Variants in RORA observed in about 807,000 individuals in gnomAD.
RORA encodes the protein RAR related orphan receptor A, also known as nuclear receptor ROR-alpha.
A neutral mutation model predicts 69.5 loss-of-function variants in RORA; 7 were observed. The observed-to-expected ratio is 0.10, with a 90% CI of 0.06 to 0.19. The LOEUF (loss-of-function observed/expected upper bound fraction) is 0.19. Ranked by LOEUF, RORA falls within the 10% of genes least tolerant of loss-of-function variation. RORA has a pLI of 1.00. For missense variants in RORA, 457 were observed against 663.0 expected (o/e 0.69, Z 3.41); for synonymous variants, 261 against 240.8 (o/e 1.08, Z -0.78).
chr15:60,915,386 C>T (rs1891840544), intron 1 of RORA, among the ~76,000 whole-genome samples: 1 of 152,214 alleles, frequency 6.6e-6, no homozygotes, highest in African/African-American at 2.4e-5. Flanking sequence ...GCACTGATTC[C>T]ACTGGGGGGG....
Position 60,705,701 on chromosome 15 carries a change from A to T in RORA, c.167-27015T>A, listed in dbSNP as rs528438898. Among the ~76,000 whole-genome samples the T allele has an allele frequency of 1.5e-4, 23 of 152,202 alleles. 2 individuals are homozygous for T. The South Asian group carries it at 4.6e-3, about 30-fold the overall frequency. On this transcript the variant is annotated intron_variant, in intron 1 of 10. Transcript: ENST00000335670. ...TCCCATTCCCTTCACCAACCAACCAACTGACATTTTTTTATTATTAAAATT... is the reference window on the plus strand; with the variant it reads ...TCCCATTCCCTTCACCAACCAACCATCTGACATTTTTTTATTATTAAAATT...
intron 1 of RORA, among the ~76,000 whole-genome samples, chr15:60,832,431 G>T (rs2073054286): frequency 6.6e-6 from 1 of 152,124 alleles, no homozygotes. Context: ...TGGACTTGGT[G>T]GTGAGCCACC....
chr15:60,903,840 T>C (rs947760853), intron 1 of RORA, among the ~76,000 whole-genome samples: 3 of 152,242 alleles, frequency 2.0e-5, no homozygotes, highest in Non-Finnish European at 4.4e-5. Context: ...TCTTCTAACA[T>C]GTTAAAACTT....
Position 60,492,831 on chromosome 15 carries a change from A to G in RORA, c.*4624T>C, listed in dbSNP as rs1054140930. 3.9e-5 allele frequency: 6 copies of G among 152,188 alleles called. No individual in the cohort carries two copies. Among genetic ancestry groups the G allele is most frequent in the African/African-American group, 1.2e-4 (5 of 41,434 alleles). The allele number at this position is 152,188 out of a possible 1,614,324, so 9.4% of individuals were successfully genotyped here. A position where few individuals can be genotyped will look rare whatever the true frequency, so the allele number is the denominator to read the frequency against. On this transcript the variant is annotated 3_prime_UTR_variant, in exon 11 of 11. Coordinates refer to ENST00000335670, the MANE Select transcript of RORA (RefSeq NM_134261.3). The stretch of plus-strand genomic sequence containing the variant: ...ACGAGCACATCAAGTTCTAAACTCA[A>G]CAAAATGAGACGAGAGTAAAGAGTT...
chr15:61,146,630 G>A (rs2079352602), intron 1 of RORA, among the ~76,000 whole-genome samples: 1 of 152,114 alleles, frequency 6.6e-6, no homozygotes, highest in Admixed American at 6.5e-5. Context: ...ACATGTTAAT[G>A]ATTTCAGACA....
In RORA at chr15:60,502,834, C is replaced by T. The variant is rs201150566; in HGVS notation, c.1109G>A (p.Arg370His). 32 of 1,613,674 alleles carry T rather than the reference C, an allele frequency of 2.0e-5. No homozygotes were observed. The highest frequency in any genetic ancestry group is 2.5e-5 in the Non-Finnish European group (30 of 1,179,756). ...SLEVVFIRMC[R>H]AFDSQNNTVY... The stretch of plus-strand genomic sequence containing the variant: ...GGTGTTGTTCTGAGAGTCAAAGGCA[C>T]GGCACATTCTGATAAACACCACCTC... The change falls in exon 8 of 11, where the codon CGT becomes CAT. Residue 370 changes from arginine (R) to histidine (H), a missense_variant. Arg to His is a conservative substitution (Grantham distance 29). Transcript: ENST00000335670.
At chr15:60,783,417 T>A (rs1018193627) in intron 1 of RORA, among the ~76,000 whole-genome samples, 1 of 152,218 alleles carries the variant, frequency 6.6e-6, no homozygotes, top group Admixed American at 6.5e-5. Context: ...CACAATGTTT[T>A]GCAATATGTA....
At position 60,811,276 on chromosome 15, in the gene RORA, A is replaced by G. The variant is rs771844991; in HGVS notation, c.167-132590T>C. On this transcript the variant is annotated intron_variant, in intron 1 of 10. Coordinates refer to ENST00000335670, the MANE Select transcript of RORA (RefSeq NM_134261.3). ...TTTTTAGCCCATCGATTTCATTTTC[A>G]GAGATACCTGGTGCCATCAGTTCTT... Among the ~76,000 whole-genome samples the G allele has an allele frequency of 6.0e-4, 92 of 152,182 alleles. 2 individuals are homozygous for G. Among genetic ancestry groups the G allele is most frequent in the South Asian group, 2.1e-4 (1 of 4,834 alleles).
chr15:61,135,711 A>T (rs1357928972), intron 1 of RORA, among the ~76,000 whole-genome samples: 3 of 152,150 alleles, frequency 2.0e-5, no homozygotes, highest in African/African-American at 7.2e-5. Context: ...CAGGACTGCT[A>T]GAAGCAGGGG....
In RORA at chr15:60,708,094, G is replaced by C. The variant is rs17270299; in HGVS notation, c.167-29408C>G. Among the ~76,000 whole-genome samples, 954 of 152,304 alleles carry C rather than the reference G, an allele frequency of 6.3e-3. 4 individuals carry two copies. Among genetic ancestry groups the C allele is most frequent in the Admixed American group, 0.024 (367 of 15,300 alleles). Reference sequence around the variant, plus strand: ...CTTAGAGTTTAGGGTTTTCAGGATAGAGAGCTTATCTGTTAGGTCCTTTGA... The same window carrying C: ...CTTAGAGTTTAGGGTTTTCAGGATACAGAGCTTATCTGTTAGGTCCTTTGA... On this transcript the variant is annotated intron_variant, in intron 1 of 10. Transcript: ENST00000335670.
chr15:60,601,048 A>G (rs186277604), intron 2 of RORA: 1 of 152,344 alleles, frequency 6.6e-6, no homozygotes, highest in Admixed American at 6.5e-5. Flanking sequence ...ACCATAAGAA[A>G]AAAATCCAGG....
At chr15:60,774,141 C>A (rs937808141) in intron 1 of RORA, among the ~76,000 whole-genome samples, 1 of 152,210 alleles carries the variant, frequency 6.6e-6, no homozygotes, top group African/African-American at 2.4e-5. Context: ...CGGACACCCA[C>A]AGCCACGGCT....
chr15:60,898,507 A>G (rs1270210983), intron 1 of RORA, among the ~76,000 whole-genome samples: 1 of 132,628 alleles, frequency 7.5e-6, no homozygotes, highest in South Asian at 2.3e-4. Flanking sequence ...CTAAAAATAA[A>G]TAAATAAATA....
At chr15:60,527,306 T>C (rs2066391578) in intron 3 of RORA, among the ~76,000 whole-genome samples, 1 of 152,270 alleles carries the variant, frequency 6.6e-6, no homozygotes, top group Admixed American at 6.5e-5. Context: ...CTGTATCTCA[T>C]GATGAAATTA....
chr15:60,615,741 C>T (rs936208008), intron 2 of RORA, among the ~76,000 whole-genome samples: 18 of 152,312 alleles, frequency 1.2e-4, no homozygotes, highest in East Asian at 9.6e-4. Flanking sequence ...TAACAATCAA[C>T]GCATGGCAAC....
chr15:61,138,393 CG>C (rs1284994918), intron 1 of RORA, among the ~76,000 whole-genome samples: 1 of 152,108 alleles, frequency 6.6e-6, no homozygotes, highest in African/African-American at 2.4e-5. Flanking sequence ...CAAAAATATT[CG>C]GAGAGCAGAC....
intron 1 of RORA, among the ~76,000 whole-genome samples, chr15:61,123,538 C>T (rs2079120128): frequency 6.6e-6 from 1 of 152,160 alleles, no homozygotes; most frequent in South Asian, 2.1e-4. Flanking sequence ...AAACTATCTG[C>T]AAATTGGGAA....
intron 1 of RORA, among the ~76,000 whole-genome samples, chr15:60,938,967 C>A (rs761935702): frequency 6.6e-6 from 1 of 152,222 alleles, no homozygotes; most frequent in Non-Finnish European, 1.5e-5. Flanking sequence ...ATGCAACATG[C>A]TTCCAGAAAT....
At chr15:60,963,246 G>A (rs994326736) in intron 1 of RORA, among the ~76,000 whole-genome samples, 2 of 152,236 alleles carry the variant, frequency 1.3e-5, no homozygotes, top group Non-Finnish European at 1.5e-5. Flanking sequence ...TGATTCTAAA[G>A]TGTGTGCTCT....
Sources: gnomAD v4.1 joint callset for allele counts (sites outside exome capture counted in the v4.1 genomes callset) on GRCh38, gnomAD v4.1.1 for gene constraint, MANE v1.5 for transcripts, NCBI Gene and HGNC (gene_info 2026-07-23, HGNC 2026-07-21) for gene names.